Variants in GPC5 observed in about 807,000 individuals in gnomAD.
GPC5 encodes the protein glypican 5.
A neutral mutation model predicts 53.9 loss-of-function variants in GPC5; 47 were observed. The observed-to-expected ratio is 0.87, with a 90% confidence interval of 0.69 to 1.11. The LOEUF (loss-of-function observed/expected upper bound fraction) is 1.11, where lower values mean the gene tolerates loss of function less well. GPC5 is among the 50% of genes most tolerant of loss of function. The pLI, the probability that GPC5 is intolerant of heterozygous loss-of-function variation, is 0.00. For missense variants in GPC5, 748 were observed against 713.1 expected, an observed-to-expected ratio of 1.05 and a Z score of -0.56; for synonymous variants, 286 against 263.3, an observed-to-expected ratio of 1.09 and a Z score of -0.84.
intron 7 of GPC5, among the ~76,000 whole-genome samples, chr13:92,201,628 T>A (rs935228405): frequency 1.3e-5 from 2 of 152,102 alleles, no homozygotes; most frequent in African/African-American, 4.8e-5. Context: ...CCTAAGATAG[T>A]AGGATTCCCA....
chr13:92,789,175 T>C lies in GPC5; in HGVS notation c.1562-77107T>C, dbSNP rs79651017. 0.025 allele frequency among the ~76,000 whole-genome samples: 3,847 copies of C among 152,160 alleles called. 387 individuals are homozygous for C. In the East Asian group the frequency reaches 0.32, roughly 13 times the overall value. The stretch of plus-strand genomic sequence containing the variant: ...GAAAGCACGGCTTCAACATCAAGAT[T>C]TGGCAGATCTCAGAGGTGTGGCAGC... On this transcript the variant is annotated intron_variant, in intron 7 of 7. Transcript: ENST00000377067.
At chr13:92,667,391 A>T (rs1434103023) in intron 7 of GPC5, among the ~76,000 whole-genome samples, 2 of 152,162 alleles carry the variant, frequency 1.3e-5, no homozygotes, top group Non-Finnish European at 2.9e-5. Context: ...CAATTATCTG[A>T]TCACCAAAAA....
chr13:92,085,552 GATGGTTTCAGA>G (rs1174734716), intron 6 of GPC5, among the ~76,000 whole-genome samples: 1 of 152,114 alleles, frequency 6.6e-6, no homozygotes, highest in Non-Finnish European at 1.5e-5. Context: ...TGGTGGTGGG[GATGGTTTCAGA>G]ATGATTTGAG....
chr13:91,547,140 A>G (rs2030341779), intron 2 of GPC5, among the ~76,000 whole-genome samples: 1 of 152,072 alleles, frequency 6.6e-6, no homozygotes, highest in Non-Finnish European at 1.5e-5. Flanking sequence ...AGAGAAGTAG[A>G]GATGCTGAAT....
At chr13:92,323,631 A>G (rs989041312) in intron 7 of GPC5, among the ~76,000 whole-genome samples, 3 of 151,794 alleles carry the variant, frequency 2.0e-5, no homozygotes, top group East Asian at 3.9e-4. Context: ...ATGGTAAAAC[A>G]TAAGTTTTGT....
intron 4 of GPC5, among the ~76,000 whole-genome samples, chr13:91,743,013 A>G: frequency 6.6e-6 from 1 of 152,210 alleles, no homozygotes; most frequent in East Asian, 1.9e-4. Flanking sequence ...AGAAGCTTTT[A>G]GTAATGTATG....
intron 2 of GPC5, among the ~76,000 whole-genome samples, chr13:91,586,540 A>G (rs1294221574): frequency 5.8e-5 from 3 of 51,284 alleles, no homozygotes; most frequent in Non-Finnish European, 9.4e-5. Flanking sequence ...ATATATATAT[A>G]TATATATATA....
At chr13:91,596,368 A>T (rs1470962151) in intron 2 of GPC5, among the ~76,000 whole-genome samples, 1 of 152,238 alleles carries the variant, frequency 6.6e-6, no homozygotes, top group Non-Finnish European at 1.5e-5. Flanking sequence ...TAGTATGGCT[A>T]GATCACATGC....
At chr13:92,747,234 A>G (rs765926201) in intron 7 of GPC5, among the ~76,000 whole-genome samples, 7 of 152,186 alleles carry the variant, frequency 4.6e-5, no homozygotes, top group Admixed American at 1.3e-4. Context: ...CTATATGCAC[A>G]AGGTAAGTTA....
intron 7 of GPC5, among the ~76,000 whole-genome samples, chr13:92,231,732 C>T (rs1269278151): frequency 6.6e-6 from 1 of 152,078 alleles, no homozygotes; most frequent in Non-Finnish European, 1.5e-5. Context: ...CTTTGGGAAG[C>T]TGAGGTGGGC....
At chr13:91,419,958 T>A (rs1271075109) in intron 1 of GPC5, among the ~76,000 whole-genome samples, 1 of 152,208 alleles carries the variant, frequency 6.6e-6, no homozygotes, top group Non-Finnish European at 1.5e-5. Flanking sequence ...AGAAGATGTT[T>A]CATGACCAAA....
intron 6 of GPC5, among the ~76,000 whole-genome samples, chr13:92,071,284 G>A (rs1274690695): frequency 6.6e-6 from 1 of 151,970 alleles, no homozygotes; most frequent in East Asian, 1.9e-4. Context: ...TTAATTTTTT[G>A]TTACAAATAT....
intron 7 of GPC5, among the ~76,000 whole-genome samples, chr13:92,662,072 A>G (rs1305284713): frequency 6.6e-6 from 1 of 152,110 alleles, no homozygotes; most frequent in African/African-American, 2.4e-5. Flanking sequence ...TCTGCTATAC[A>G]TATATTTGCT....
At chr13:92,115,958 G>T (rs2041597258) in intron 6 of GPC5, among the ~76,000 whole-genome samples, 1 of 152,026 alleles carries the variant, frequency 6.6e-6, no homozygotes, top group Non-Finnish European at 1.5e-5. Flanking sequence ...GTTCTTACAA[G>T]AAGAGGAGAT....
intron 7 of GPC5, among the ~76,000 whole-genome samples, chr13:92,361,563 A>G (rs1281044929): frequency 6.6e-6 from 1 of 151,710 alleles, no homozygotes; most frequent in African/African-American, 2.4e-5. Context: ...ACACCTGTCT[A>G]CTAGTACATC....
intron 1 of GPC5, among the ~76,000 whole-genome samples, chr13:91,416,401 A>G (rs1242599864): frequency 1.3e-5 from 2 of 152,182 alleles, no homozygotes; most frequent in African/African-American, 2.4e-5. Flanking sequence ...GTCACAATAC[A>G]TATTAGCATT....
intron 1 of GPC5, among the ~76,000 whole-genome samples, chr13:91,436,924 C>T (rs535653390): frequency 1.3e-5 from 2 of 152,220 alleles, no homozygotes; most frequent in African/African-American, 4.8e-5. Flanking sequence ...TTGAATTGAT[C>T]CCTTTACCAT....
At chr13:91,701,673 C>T (rs972892101) in intron 3 of GPC5, among the ~76,000 whole-genome samples, 7 of 152,020 alleles carry the variant, frequency 4.6e-5, no homozygotes, top group Admixed American at 3.9e-4. Flanking sequence ...ATATATCTCA[C>T]ATCTGCTTTA....
At chr13:92,199,700 G>A (rs2042281075) in intron 7 of GPC5, among the ~76,000 whole-genome samples, 1 of 152,096 alleles carries the variant, frequency 6.6e-6, no homozygotes, top group Admixed American at 6.6e-5. Context: ...GATCTATCCT[G>A]GGACTGTCTT....
Sources: allele counts gnomAD v4.1 joint callset (sites outside exome capture counted in the v4.1 genomes callset), GRCh38; gene constraint gnomAD v4.1.1; transcripts MANE v1.5; gene names NCBI Gene and HGNC (gene_info 2026-07-23, HGNC 2026-07-21).